The following PPARA variants were observed in gnomAD, a reference collection of about 807,000 sequenced individuals.
PPARA encodes peroxisome proliferator activated receptor alpha, also known as peroxisome proliferator-activated receptor alpha.
In PPARA, 22 loss-of-function variants were observed where a neutral mutation model predicts 42.2. The observed-to-expected ratio is 0.52, with a 90% confidence interval of 0.37 to 0.74. The LOEUF (loss-of-function observed/expected upper bound fraction) is 0.74. Ranked by LOEUF, PPARA falls within the 30% of genes least tolerant of loss-of-function variation. The pLI, the probability that PPARA is intolerant of heterozygous loss-of-function variation, is 0.00. For synonymous variants in PPARA, 242 were observed against 239.3 expected, an observed-to-expected ratio of 1.01 and a Z score of -0.10; for missense variants, 465 against 608.2, an observed-to-expected ratio of 0.76 and a Z score of 2.48.
In PPARA at chr22:46,235,005, T is replaced by C; in HGVS notation, c.1160-128T>C. 7 of 1,302,014 alleles carry C rather than the reference T, an allele frequency of 5.4e-6. No individual in the cohort carries two copies. Among genetic ancestry groups the C allele is most frequent in the Non-Finnish European group, 7.7e-6 (7 of 908,454 alleles). 80.7% of individuals were successfully genotyped at this position (1,302,014 alleles called of 1,614,324 possible). ...GTCTATCTTCCAGTCAAGTTGACAATATCTAAAGGCAGCTCAGTTTTTTTC... is the reference window on the plus strand; with the variant it reads ...GTCTATCTTCCAGTCAAGTTGACAACATCTAAAGGCAGCTCAGTTTTTTTC... On this transcript the variant is annotated intron_variant, in intron 8 of 8. Coordinates refer to ENST00000407236, the MANE Select transcript of PPARA (RefSeq NM_005036.6). This position sits in a 1 kb window ranked among gnomAD's most constrained non-coding sequence, Gnocchi z 7.0.
chr22:46,166,618 C>CAAAAAAA (rs60478706), intron 2 of PPARA, among the ~76,000 whole-genome samples: 1 of 105,842 alleles, frequency 9.4e-6, no homozygotes, highest in African/African-American at 3.4e-5. Flanking sequence ...ACTACCATCT[C>CAAAAAAA]AAAAAAAAAA....
rs1421568481 is a variant in PPARA, at chr22:46,161,124, C to G, written c.-127+9154C>G. Reference sequence around the variant, plus strand: ...CAGAGGGAAAATATGGCCATGGACTCAGAGAAAACCACGGCAGCTTCCATG... The same window carrying G: ...CAGAGGGAAAATATGGCCATGGACTGAGAGAAAACCACGGCAGCTTCCATG... On this transcript the variant is annotated intron_variant, in intron 2 of 8. Coordinates refer to ENST00000407236, the MANE Select transcript of PPARA (RefSeq NM_005036.6). This position sits in a 1 kb window ranked among gnomAD's most constrained non-coding sequence, Gnocchi z 4.8. Among the ~76,000 whole-genome samples the G allele has an allele frequency of 1.3e-5, 2 of 152,134 alleles. No individual in the cohort carries two copies. The highest frequency in any genetic ancestry group is 2.9e-5 in the Non-Finnish European group (2 of 68,038).
chr22:46,221,923 A>G lies in PPARA; in HGVS notation c.711+1909A>G, dbSNP rs1241604636. Among the ~76,000 whole-genome samples the G allele has an allele frequency of 6.6e-6, 1 of 151,930 alleles. No homozygotes were observed. Among genetic ancestry groups the G allele is most frequent in the African/African-American group, 2.4e-5 (1 of 41,338 alleles). On this transcript the variant is annotated intron_variant, in intron 7 of 8. Coordinates refer to ENST00000407236, the MANE Select transcript of PPARA (RefSeq NM_005036.6). The surrounding 1 kb of genome is among the most constrained non-coding windows in gnomAD (Gnocchi z 5.9). ...AAACCCCATCTCTATTAAAAATACA[A>G]AAAATTAGCTGGGCATGGTAGCGGT...
Position 46,241,299 on chromosome 22 carries a change from A to G in PPARA, c.*5919A>G, listed in dbSNP as rs1936364185. 1 of 152,266 alleles carries G rather than the reference A, an allele frequency of 6.6e-6. No homozygotes were observed. Among genetic ancestry groups the G allele is most frequent in the African/African-American group, 2.4e-5 (1 of 41,476 alleles). The allele number at this position is 152,266 out of a possible 1,614,324, so 9.4% of individuals were successfully genotyped here. A position where few individuals can be genotyped will look rare whatever the true frequency, so the allele number is the denominator to read the frequency against. ...ATAGACTAGGGTAAGAATAAAGGCA[A>G]TAAATTTGGTCTGACTCAGAATATA... On this transcript the variant is annotated 3_prime_UTR_variant, in exon 9 of 9. Coordinates refer to ENST00000407236, the MANE Select transcript of PPARA (RefSeq NM_005036.6). This position sits in a 1 kb window ranked among gnomAD's most constrained non-coding sequence, Gnocchi z 5.7.
At chr22:46,209,251 G>A (rs1007123646) in intron 4 of PPARA, among the ~76,000 whole-genome samples, 1 of 151,924 alleles carries the variant, frequency 6.6e-6, no homozygotes, top group African/African-American at 2.4e-5. Context: ...TATATATCTG[G>A]CTGCTTCTAA....
At position 46,225,658 on chromosome 22, in the gene PPARA, C is replaced by G. The variant is rs1935363327; in HGVS notation, c.711+5644C>G. Among the ~76,000 whole-genome samples, 1 of 151,796 alleles carries G rather than the reference C, an allele frequency of 6.6e-6. No individual in the cohort carries two copies. Among genetic ancestry groups the G allele is most frequent in the African/African-American group, 2.4e-5 (1 of 41,272 alleles). The stretch of plus-strand genomic sequence containing the variant: ...ACCCACACATACACATGCACCCACA[C>G]GTGTACACAGATGCACCTCCACCCC... On this transcript the variant is annotated intron_variant, in intron 7 of 8. Transcript: ENST00000407236. This position sits in a 1 kb window ranked among gnomAD's most constrained non-coding sequence, Gnocchi z 4.1.
Position 46,231,283 on chromosome 22 carries a change from A to G in PPARA, c.712-509A>G, listed in dbSNP as rs1396040583. ...ACCCAGGCTGGAGTGCAGTGGCGCAATGTCGGCTCACTGCAAGCTCTGCCT... is the reference window on the plus strand; with the variant it reads ...ACCCAGGCTGGAGTGCAGTGGCGCAGTGTCGGCTCACTGCAAGCTCTGCCT... On this transcript the variant is annotated intron_variant, in intron 7 of 8. Coordinates refer to ENST00000407236, the MANE Select transcript of PPARA (RefSeq NM_005036.6). The surrounding 1 kb of genome is among the most constrained non-coding windows in gnomAD (Gnocchi z 7.7). Among the ~76,000 whole-genome samples, 1 of 151,564 alleles carries G rather than the reference A, an allele frequency of 6.6e-6. No individual in the cohort carries two copies.
intron 2 of PPARA, among the ~76,000 whole-genome samples, chr22:46,153,235 T>C (rs1223499780): frequency 6.8e-6 from 1 of 146,436 alleles, no homozygotes; most frequent in Non-Finnish European, 1.5e-5. Flanking sequence ...AGTGGCATGA[T>C]CTTGGCTCAC....
In PPARA at chr22:46,219,879, A is replaced by G; in HGVS notation, c.576A>G (p.Glu192=). The change falls in exon 7 of 9, where the codon GAA becomes GAG. Residue 192 remains glutamate, a synonymous_variant. Coordinates refer to ENST00000407236, the MANE Select transcript of PPARA (RefSeq NM_005036.6). This position sits in a 1 kb window ranked among gnomAD's most constrained non-coding sequence, Gnocchi z 4.8. ...AKLKAEILTC[E]HDIEDSETAD... is the part of the protein sequence containing the mutation. ...TGAAAGCAGAAATTCTTACCTGTGA[A>G]CATGACATAGAAGATTCTGAAACTG... is the stretch of plus-strand genomic sequence containing the variant. 1.2e-6 allele frequency: 2 copies of G among 1,614,242 alleles called. No individual in the cohort carries two copies. Among genetic ancestry groups the G allele is most frequent in the Admixed American group, 1.7e-5 (1 of 60,024 alleles).
chr22:46,226,669 A>G (rs4253762), intron 7 of PPARA, among the ~76,000 whole-genome samples: 18,158 of 152,124 alleles, frequency 0.12, 1,236 homozygotes, highest in African/African-American at 0.17. Flanking sequence ...CGTCTTGTTT[A>G]AAAAAATAAG....
chr22:46,225,576 T>C lies in PPARA; in HGVS notation c.711+5562T>C, dbSNP rs114981775. The stretch of plus-strand genomic sequence containing the variant: ...ACACATACACGTGCACCCACATGCA[T>C]GCTCACACACATGCACCCACAGTCA... On this transcript the variant is annotated intron_variant, in intron 7 of 8. Transcript: ENST00000407236. The surrounding 1 kb of genome is among the most constrained non-coding windows in gnomAD (Gnocchi z 4.1). Among the ~76,000 whole-genome samples the C allele has an allele frequency of 0.012, 1,808 of 149,884 alleles. 41 individuals are homozygous for C. Among genetic ancestry groups the C allele is most frequent in the African/African-American group, 0.042 (1,723 of 40,658 alleles).
At chr22:46,178,908 C>G (rs1183861469) in intron 3 of PPARA, among the ~76,000 whole-genome samples, 2 of 152,144 alleles carry the variant, frequency 1.3e-5, no homozygotes, top group Non-Finnish European at 2.9e-5. Context: ...AGATCAGAAT[C>G]TCAGATGTGT....
rs1217285469 is a variant in PPARA, at chr22:46,185,956, T to TAC, written c.-43+9121_-43+9122insCA. ...ATATATATATATATATATATATATA[T>TAC]ATATATATACACACACACTAACCTT... On this transcript the variant is annotated intron_variant, in intron 3 of 8. Transcript: ENST00000407236. Among the ~76,000 whole-genome samples, 34 of 56,380 alleles carry TAC rather than the reference T, an allele frequency of 6.0e-4. 5 individuals carry two copies. Among genetic ancestry groups the TAC allele is most frequent in the African/African-American group, 2.2e-3 (32 of 14,872 alleles). 37.0% of individuals were successfully genotyped at this position (56,380 alleles called of 152,430 possible).
At position 46,231,831 on chromosome 22, in the gene PPARA, G is replaced by T; in HGVS notation, c.751G>T (p.Glu251Ter). Residue 251 changes from glutamate (E) to a stop codon, truncating the protein, a stop_gained, in exon 8 of 9, where the codon GAG (glutamate) becomes TAG (stop). Coordinates refer to ENST00000407236, the MANE Select transcript of PPARA (RefSeq NM_005036.6). LOFTEE classifies it high-confidence loss of function. This position sits in a 1 kb window ranked among gnomAD's most constrained non-coding sequence, Gnocchi z 7.7. ...TGATATGGAGACACTGTGTATGGCT[G>T]AGAAGACGCTGGTGGCCAAGCTGGT... ...IHDMETLCMA[E>*]KTLVAKLVAN... The T allele has an allele frequency of 6.2e-7, 1 of 1,613,974 alleles. No individual in the cohort carries two copies. The highest frequency in any genetic ancestry group is 8.5e-7 in the Non-Finnish European group (1 of 1,180,028).
At chr22:46,206,395 G>A (rs761372321) in intron 4 of PPARA, among the ~76,000 whole-genome samples, 23 of 152,290 alleles carry the variant, frequency 1.5e-4, no homozygotes, top group Middle Eastern at 3.4e-3. Context: ...GATTATAGGC[G>A]TGAGCCACCG....
rs1460018573 is a variant in PPARA at position 46,201,550 on chromosome 22, C to G, written c.208+2959C>G. 2.6e-5 allele frequency among the ~76,000 whole-genome samples: 4 copies of G among 152,146 alleles called. No individual in the cohort carries two copies. In the South Asian group the frequency reaches 8.3e-4, roughly 32 times the overall value. ...CCGTGTCAGGTGGCGCCTTGAGTGG[C>G]CTGGGTAGGTTGTCTTGCAGTGAAC... On this transcript the variant is annotated intron_variant, in intron 4 of 8. Transcript: ENST00000407236.
chr22:46,167,473 G>A lies in PPARA; in HGVS notation c.-126-9280G>A, dbSNP rs545528007. Among the ~76,000 whole-genome samples the A allele has an allele frequency of 3.1e-4, 47 of 151,712 alleles. No homozygotes were observed. Among genetic ancestry groups the A allele is most frequent in the Middle Eastern group, 3.4e-3 (1 of 294 alleles). ...ACAAGACCATCCTGGGCAACATAGC[G>A]AAACACCGTCTCTACAAAAAAATGA... On this transcript the variant is annotated intron_variant, in intron 2 of 8. Transcript: ENST00000407236. This position sits in a 1 kb window ranked among gnomAD's most constrained non-coding sequence, Gnocchi z 4.1.
intron 6 of PPARA, among the ~76,000 whole-genome samples, chr22:46,218,697 G>A (rs1354344192): frequency 6.6e-6 from 1 of 151,842 alleles, no homozygotes; most frequent in Non-Finnish European, 1.5e-5. Context: ...AGCTGGGTGT[G>A]GTGGCACATG....
chr22:46,228,755 G>A (rs2147671341), intron 7 of PPARA, among the ~76,000 whole-genome samples: 1 of 152,100 alleles, frequency 6.6e-6, no homozygotes, highest in East Asian at 1.9e-4. Flanking sequence ...AGCTAGGGAG[G>A]CCCAACTTCA....
Sources: gnomAD v4.1 joint callset for allele counts (sites outside exome capture counted in the v4.1 genomes callset) on GRCh38, gnomAD v4.1.1 for gene constraint, Gnocchi (gnomAD v3.1) non-coding constraint, MANE v1.5 for transcripts, NCBI Gene and HGNC (gene_info 2026-07-23, HGNC 2026-07-21) for gene names.